Variants in CDH18 observed in about 807,000 individuals in gnomAD.
CDH18 encodes the protein cadherin-18.
In CDH18, 31 loss-of-function variants were observed where a neutral mutation model predicts 67.9. That is an observed-to-expected ratio of 0.46 (90% CI 0.34 to 0.62). The LOEUF (loss-of-function observed/expected upper bound fraction) is 0.62. CDH18 is among the 20% of genes least tolerant of loss of function. The pLI is 0.01. For missense variants in CDH18, 890 were observed against 975.5 expected, an observed-to-expected ratio of 0.91 and a Z score of 1.17; for synonymous variants, 362 against 347.2, an observed-to-expected ratio of 1.04 and a Z score of -0.48.
intron 7 of CDH18, among the ~76,000 whole-genome samples, chr5:19,581,267 A>G (rs1189345035): frequency 2.0e-5 from 3 of 151,866 alleles, no homozygotes; most frequent in Non-Finnish European, 4.4e-5. Flanking sequence ...TATAACTCCT[A>G]ATTACTTTTA....
intron 1 of CDH18, among the ~76,000 whole-genome samples, chr5:20,337,233 G>T (rs1194054864): frequency 6.6e-6 from 1 of 152,142 alleles, no homozygotes; most frequent in African/African-American, 2.4e-5. Context: ...TTAACATGTG[G>T]CTTGTTACTT....
intron 2 of CDH18, among the ~76,000 whole-genome samples, chr5:20,213,867 T>C (rs1740548594): frequency 6.6e-6 from 1 of 151,988 alleles, no homozygotes; most frequent in African/African-American, 2.4e-5. Flanking sequence ...CGATTCTTAG[T>C]GTCTCAGTCT....
At chr5:20,536,751 T>G (rs893068445) in intron 1 of CDH18, among the ~76,000 whole-genome samples, 9 of 152,132 alleles carry the variant, frequency 5.9e-5, no homozygotes, top group African/African-American at 1.9e-4. Flanking sequence ...TCTAACTTCA[T>G]AGTTCAGAAA....
intron 3 of CDH18, among the ~76,000 whole-genome samples, chr5:19,753,229 T>C (rs1484146614): frequency 2.0e-5 from 3 of 151,832 alleles, no homozygotes; most frequent in Admixed American, 2.0e-4. Flanking sequence ...ATTAATCTAA[T>C]CATGGAGGCC....
Position 20,008,470 on chromosome 5 carries a change from T to G in CDH18, c.-517-16456A>C, listed in dbSNP as rs140992070. Among the ~76,000 whole-genome samples, 58 of 152,302 alleles carry G rather than the reference T, an allele frequency of 3.8e-4. No homozygotes were observed. The East Asian group carries it at 6.2e-3, about 16-fold the overall frequency. Reference sequence around the variant, plus strand: ...AATATCTCATCACAAACAGAGCATGTTATGGGCAATCTGTTCTTTGAGGGT... The same window carrying G: ...AATATCTCATCACAAACAGAGCATGGTATGGGCAATCTGTTCTTTGAGGGT... On this transcript the variant is annotated intron_variant, in intron 2 of 14. Coordinates refer to the CDH18 transcript ENST00000507958.
At chr5:19,706,696 C>A (rs149245265) in intron 5 of CDH18, among the ~76,000 whole-genome samples, 3 of 152,150 alleles carry the variant, frequency 2.0e-5, no homozygotes, top group East Asian at 3.9e-4. Flanking sequence ...ACAGACAATG[C>A]CCCAGGCTAT....
At chr5:20,383,552 C>G (rs1039893391) in intron 1 of CDH18, among the ~76,000 whole-genome samples, 6 of 152,056 alleles carry the variant, frequency 3.9e-5, no homozygotes, top group Non-Finnish European at 5.9e-5. Context: ...TTTCCAGATG[C>G]CTTTATTACC....
chr5:19,569,158 T>G (rs1484099805), intron 8 of CDH18, among the ~76,000 whole-genome samples: 1 of 152,216 alleles, frequency 6.6e-6, no homozygotes, highest in Non-Finnish European at 1.5e-5. Context: ...CAGGATTAAT[T>G]TCAAAGACCT....
chr5:19,778,028 T>A (rs993406001), intron 3 of CDH18, among the ~76,000 whole-genome samples: 35 of 152,152 alleles, frequency 2.3e-4, no homozygotes, highest in African/African-American at 7.7e-4. Flanking sequence ...TTATTAAATT[T>A]TAATCAAGAA....
chr5:20,278,136 T>C (rs1243204292), intron 1 of CDH18, among the ~76,000 whole-genome samples: 2 of 151,852 alleles, frequency 1.3e-5, no homozygotes, highest in Non-Finnish European at 2.9e-5. Flanking sequence ...TCAAGAAAAA[T>C]ATACAACATT....
intron 10 of CDH18, among the ~76,000 whole-genome samples, chr5:19,504,429 T>C (rs1468630581): frequency 1.3e-5 from 2 of 152,048 alleles, no homozygotes; most frequent in Non-Finnish European, 2.9e-5. Flanking sequence ...TTTTTTTATT[T>C]GAATACAACT....
At chr5:19,490,408 T>G (rs1286794594) in intron 11 of CDH18, among the ~76,000 whole-genome samples, 3 of 122,272 alleles carry the variant, frequency 2.5e-5, no homozygotes, top group East Asian at 4.5e-4. Context: ...TTTTTTTTTT[T>G]TTTTTTTTTT....
chr5:20,242,611 A>ATATATAT (rs1334205442), intron 2 of CDH18, among the ~76,000 whole-genome samples: 2 of 39,486 alleles, frequency 5.1e-5, no homozygotes, highest in Admixed American at 3.0e-4. Context: ...AAAAAAAAAA[A>ATATATAT]ATATATATAT....
chr5:20,499,082 G>A (rs1386189551), intron 1 of CDH18, among the ~76,000 whole-genome samples: 5 of 151,816 alleles, frequency 3.3e-5, no homozygotes, highest in Admixed American at 3.3e-4. Context: ...TAAGTGAGCT[G>A]TGAACAAACT....
chr5:19,962,208 C>A (rs900611511), intron 2 of CDH18, among the ~76,000 whole-genome samples: 15 of 151,354 alleles, frequency 9.9e-5, no homozygotes, highest in African/African-American at 3.6e-4. Context: ...ATGGAATATT[C>A]TTTTATCTCT....
chr5:19,785,054 T>C (rs933817443), intron 3 of CDH18, among the ~76,000 whole-genome samples: 6 of 152,150 alleles, frequency 3.9e-5, no homozygotes, highest in African/African-American at 1.4e-4. Context: ...CTCTGTAATA[T>C]ATAAAACCAA....
intron 2 of CDH18, among the ~76,000 whole-genome samples, chr5:20,154,173 T>C (rs1433942277): frequency 6.6e-6 from 1 of 152,184 alleles, no homozygotes; most frequent in Non-Finnish European, 1.5e-5. Flanking sequence ...ATATCTCCTA[T>C]CCAGAAAGGT....
chr5:20,559,153 GA>G (rs1353760904), intron 1 of CDH18, among the ~76,000 whole-genome samples: 1 of 151,290 alleles, frequency 6.6e-6, no homozygotes, highest in Non-Finnish European at 1.5e-5. Flanking sequence ...GTAAGTTTAA[GA>G]AAAAAATTAA....
intron 8 of CDH18, among the ~76,000 whole-genome samples, chr5:19,566,955 T>C (rs1740516423): frequency 6.6e-6 from 1 of 152,144 alleles, no homozygotes. Context: ...CAGGACATTA[T>C]GTTAAGTGAA....
Sources: allele counts gnomAD v4.1 joint callset (sites outside exome capture counted in the v4.1 genomes callset), GRCh38; gene constraint gnomAD v4.1.1; transcripts MANE v1.5; gene names NCBI Gene and HGNC (gene_info 2026-07-23, HGNC 2026-07-21).